The following MBNL2 variants were observed in gnomAD, a reference collection of about 807,000 sequenced individuals.
MBNL2 encodes the protein muscleblind like splicing regulator 2.
MBNL2 carries 17 observed loss-of-function variants against 41.9 expected under a neutral mutation model. The ratio of observed to expected loss-of-function variants is 0.41; its 90% CI spans 0.28 to 0.61. The LOEUF is 0.61. Among genes scored for constraint, MBNL2 ranks in the 20% least tolerant of loss-of-function variants. MBNL2 has a pLI of 0.35. For missense variants in MBNL2, 336 were observed against 505.6 expected, an observed-to-expected ratio of 0.66 and a Z score of 3.22; for synonymous variants, 195 against 182.9, an observed-to-expected ratio of 1.07 and a Z score of -0.53.
chr13:97,291,916 A>AAAAAAAAAAAAAAAT (rs1566397556), intron 2 of MBNL2, among the ~76,000 whole-genome samples: 2 of 122,716 alleles, frequency 1.6e-5, no homozygotes, highest in African/African-American at 3.2e-5. Flanking sequence ...AAAAAAAAAA[A>AAAAAAAAAAAAAAAT]AGTGGGCTGG....
the MBNL2 span, among the ~76,000 whole-genome samples, chr13:97,148,060 G>T: frequency 1.3e-5 from 2 of 152,156 alleles, no homozygotes; most frequent in Non-Finnish European, 2.9e-5. Context: ...AGTCGGCATG[G>T]TTAAGGATAC....
the MBNL2 span, among the ~76,000 whole-genome samples, chr13:97,177,367 C>T: frequency 6.6e-6 from 1 of 152,006 alleles, no homozygotes; most frequent in African/African-American, 2.4e-5. Flanking sequence ...ATAAGAGAAG[C>T]TTTTGCAGCC....
At chr13:97,326,866 G>A (rs1350933664) in intron 2 of MBNL2, among the ~76,000 whole-genome samples, 1 of 152,162 alleles carries the variant, frequency 6.6e-6, no homozygotes, top group African/African-American at 2.4e-5. Flanking sequence ...ACTTTTACTT[G>A]CCCATATCCT....
At chr13:97,373,860 TC>T (rs1232833470) in intron 8 of MBNL2, among the ~76,000 whole-genome samples, 1 of 152,034 alleles carries the variant, frequency 6.6e-6, no homozygotes, top group Non-Finnish European at 1.5e-5. Context: ...AGTGTTGTAA[TC>T]TAGTACATTT....
chr13:97,226,252 TGAGGCTGATGGAC>T (rs2041594122), intron 1 of MBNL2, among the ~76,000 whole-genome samples: 1 of 152,228 alleles, frequency 6.6e-6, no homozygotes. Context: ...ACCTGAGCTC[TGAGGCTGATGGAC>T]GAGTTTTGGG....
chr13:97,285,876 A>C (rs752378171), intron 2 of MBNL2, among the ~76,000 whole-genome samples: 7 of 152,082 alleles, frequency 4.6e-5, no homozygotes, highest in Non-Finnish European at 1.0e-4. Flanking sequence ...CCCTTCCTGA[A>C]TCTTTTTCCT....
intron 1 of MBNL2, among the ~76,000 whole-genome samples, chr13:97,245,468 G>C (rs751288772): frequency 5.9e-5 from 9 of 152,164 alleles, no homozygotes; most frequent in Non-Finnish European, 1.3e-4. Context: ...TTCTCCCTAC[G>C]AAAGCGTAAT....
chr13:97,279,974 T>A (rs988264181), intron 2 of MBNL2, among the ~76,000 whole-genome samples: 5 of 152,184 alleles, frequency 3.3e-5, no homozygotes, highest in Non-Finnish European at 5.9e-5. Context: ...GTGGCTGTGA[T>A]TTTTTTGGAA....
chr13:97,273,778 A>G (rs1456488137), intron 1 of MBNL2, among the ~76,000 whole-genome samples: 1 of 152,180 alleles, frequency 6.6e-6, no homozygotes, highest in Non-Finnish European at 1.5e-5. Context: ...GCCCTATTGC[A>G]GGCCGGACGC....
At chr13:97,212,858 T>C in the MBNL2 span, among the ~76,000 whole-genome samples, 1 of 152,272 alleles carries the variant, frequency 6.6e-6, no homozygotes, top group Admixed American at 6.5e-5. Context: ...TTTCCAGAAA[T>C]TGATGTTTTC....
intron 1 of MBNL2, among the ~76,000 whole-genome samples, chr13:97,272,439 GA>G (rs1202500081): frequency 6.6e-6 from 1 of 152,178 alleles, no homozygotes; most frequent in Non-Finnish European, 1.5e-5. Context: ...TCGCTGTGCA[GA>G]AGCTCTTTAG....
At chr13:97,200,461 C>G in the MBNL2 span, among the ~76,000 whole-genome samples, 3 of 152,174 alleles carry the variant, frequency 2.0e-5, no homozygotes, top group Non-Finnish European at 1.5e-5. Flanking sequence ...AACATAGTTC[C>G]GGCTTAGCTA....
the MBNL2 span, among the ~76,000 whole-genome samples, chr13:97,175,879 CTTG>C: frequency 6.6e-6 from 1 of 152,128 alleles, no homozygotes; most frequent in Non-Finnish European, 1.5e-5. Flanking sequence ...CCAAAGCAGG[CTTG>C]TTGTGCTAAG....
chr13:97,382,857 T>A (rs1225554721), intron 8 of MBNL2, among the ~76,000 whole-genome samples: 1 of 152,024 alleles, frequency 6.6e-6, no homozygotes, highest in Non-Finnish European at 1.5e-5. Context: ...TCACTTTTTT[T>A]TTCCTGGCTA....
chr13:97,356,342 T>A (rs2062982182), intron 5 of MBNL2, among the ~76,000 whole-genome samples: 1 of 152,222 alleles, frequency 6.6e-6, no homozygotes, highest in Non-Finnish European at 1.5e-5. Flanking sequence ...GTCATATCCT[T>A]ACTCGATGGA....
the MBNL2 span, among the ~76,000 whole-genome samples, chr13:97,212,211 C>T: frequency 3.3e-5 from 5 of 152,174 alleles, no homozygotes; most frequent in South Asian, 1.0e-3. Flanking sequence ...AGAAGTCCCT[C>T]CCACATGAAC....
intron 5 of MBNL2, among the ~76,000 whole-genome samples, chr13:97,347,275 C>T (rs1486287145): frequency 2.0e-5 from 3 of 152,184 alleles, no homozygotes; most frequent in African/African-American, 4.8e-5. Context: ...AAGTAAATCC[C>T]TCAGGTGCAG....
At chr13:97,163,686 C>A in the MBNL2 span, among the ~76,000 whole-genome samples, 1 of 152,176 alleles carries the variant, frequency 6.6e-6, no homozygotes. Flanking sequence ...CTCTCGCTCA[C>A]ACGGCAGAGG....
intron 2 of MBNL2, among the ~76,000 whole-genome samples, chr13:97,302,646 T>C (rs1263123615): frequency 6.6e-6 from 1 of 152,212 alleles, no homozygotes; most frequent in Non-Finnish European, 1.5e-5. Flanking sequence ...AGAGTTGAGT[T>C]TGATCCTGAT....
Sources: allele counts gnomAD v4.1 joint callset (sites outside exome capture counted in the v4.1 genomes callset), GRCh38; gene constraint gnomAD v4.1.1; transcripts MANE v1.5; gene names NCBI Gene and HGNC (gene_info 2026-07-23, HGNC 2026-07-21).